Variants in SYTL5 observed in about 807,000 individuals in gnomAD.
SYTL5 encodes the protein synaptotagmin like 5, also known as synaptotagmin-like protein 5.
A neutral mutation model predicts 55.9 loss-of-function variants in SYTL5; 34 were observed. The ratio of observed to expected loss-of-function variants is 0.61; its 90% confidence interval spans 0.46 to 0.81. SYTL5 has a LOEUF of 0.81. SYTL5 is among the 30% of genes least tolerant of loss of function. The probability of loss-of-function intolerance (pLI) is 0.00; values close to 1 mark genes in which losing one functional copy is unlikely to be tolerated. For missense variants in SYTL5, 637 were observed against 546.7 expected, an observed-to-expected ratio of 1.17 and a Z score of -1.65; for synonymous variants, 221 against 188.7, an observed-to-expected ratio of 1.17 and a Z score of -1.40.
chrX:37,967,006 C>T, the SYTL5 span, among the ~76,000 whole-genome samples: 2 of 111,796 alleles, frequency 1.8e-5, no homozygotes, highest in African/African-American at 6.5e-5. Flanking sequence ...TATCTTTCCT[C>T]ACTTTTGAAG....
the SYTL5 span, among the ~76,000 whole-genome samples, chrX:37,898,610 T>C: frequency 8.9e-6 from 1 of 112,489 alleles, no homozygotes; most frequent in Admixed American, 9.5e-5. Context: ...AGTTCTTTAA[T>C]ATAGTCCTTT....
chrX:37,952,623 A>G, the SYTL5 span, among the ~76,000 whole-genome samples: 1 of 111,106 alleles, frequency 9.0e-6, no homozygotes, highest in African/African-American at 3.3e-5. Flanking sequence ...AAGAGGATGG[A>G]CACTAGGAGG....
intron 3 of SYTL5, among the ~76,000 whole-genome samples, chrX:38,061,826 A>G (rs1935951296): frequency 8.9e-6 from 1 of 111,752 alleles, no homozygotes; most frequent in Non-Finnish European, 1.9e-5. Context: ...AAAATTCCAC[A>G]TTGTTATGTT....
the SYTL5 span, among the ~76,000 whole-genome samples, chrX:37,927,961 G>A: frequency 1.7e-4 from 19 of 112,127 alleles, no homozygotes; most frequent in Non-Finnish European, 2.4e-4. Context: ...AATACTTTCA[G>A]AAGTAGTTTC....
At chrX:38,024,379 C>A (rs948435317) in intron 1 of SYTL5, among the ~76,000 whole-genome samples, 8 of 111,162 alleles carry the variant, frequency 7.2e-5, no homozygotes, top group Non-Finnish European at 1.5e-4. Context: ...ATTGTGAGGA[C>A]CCCCACCCCA....
the SYTL5 span, among the ~76,000 whole-genome samples, chrX:38,000,869 G>A: frequency 9.0e-6 from 1 of 111,546 alleles, no homozygotes; most frequent in Non-Finnish European, 1.9e-5. Context: ...CGCCCCAACC[G>A]AACTCCGCAT....
chrX:37,949,599 G>C, the SYTL5 span, among the ~76,000 whole-genome samples: 1 of 111,434 alleles, frequency 9.0e-6, no homozygotes, highest in Admixed American at 9.5e-5. Flanking sequence ...GGTACATTTT[G>C]ATTGTGGTTA....
At chrX:37,981,002 G>A in the SYTL5 span, among the ~76,000 whole-genome samples, 1 of 112,187 alleles carries the variant, frequency 8.9e-6, no homozygotes, top group Non-Finnish European at 1.9e-5. Context: ...AGAATAATGT[G>A]CCATTATCTC....
At chrX:37,939,285 A>G in the SYTL5 span, among the ~76,000 whole-genome samples, 14,912 of 111,005 alleles carry the variant, frequency 0.13, 1,679 homozygotes, top group African/African-American at 0.37. Context: ...AAAAGAAAAA[A>G]AAAGAAAGAT....
chrX:38,111,649 C>T (rs1030127919), intron 13 of SYTL5, among the ~76,000 whole-genome samples: 2 of 112,275 alleles, frequency 1.8e-5, no homozygotes, highest in African/African-American at 3.2e-5. Flanking sequence ...TCCAAGCATG[C>T]CTCTCTAATG....
At chrX:37,944,110 A>C in the SYTL5 span, among the ~76,000 whole-genome samples, 2 of 111,090 alleles carry the variant, frequency 1.8e-5, no homozygotes, top group Admixed American at 9.6e-5. Context: ...GGAACTTCCC[A>C]TGGCCTGACA....
the SYTL5 span, among the ~76,000 whole-genome samples, chrX:37,967,189 C>A: frequency 9.0e-6 from 1 of 111,047 alleles, no homozygotes; most frequent in South Asian, 3.9e-4. Context: ...GTAGCTGGGA[C>A]TACAGGCACC....
the SYTL5 span, among the ~76,000 whole-genome samples, chrX:37,926,792 G>A: frequency 9.0e-6 from 1 of 111,501 alleles, no homozygotes; most frequent in Non-Finnish European, 1.9e-5. Flanking sequence ...TCTGTCAGGG[G>A]TATCCATGAT....
intron 13 of SYTL5, among the ~76,000 whole-genome samples, chrX:38,118,724 A>G (rs1254178420): frequency 9.0e-6 from 1 of 110,955 alleles, no homozygotes; most frequent in Non-Finnish European, 1.9e-5. Flanking sequence ...ATGGTAACCT[A>G]TAGCAAAGAT....
intron 1 of SYTL5, among the ~76,000 whole-genome samples, chrX:38,025,251 A>T (rs1410884903): frequency 3.6e-5 from 4 of 112,376 alleles, no homozygotes; most frequent in Non-Finnish European, 5.6e-5. Context: ...AATTAACTTT[A>T]TTTCTATTAA....
chrX:37,917,368 A>G, the SYTL5 span, among the ~76,000 whole-genome samples: 3 of 111,313 alleles, frequency 2.7e-5, no homozygotes, highest in African/African-American at 9.8e-5. Flanking sequence ...TATTTATTCA[A>G]TAATTTATTT....
chrX:37,993,580 G>A, the SYTL5 span, among the ~76,000 whole-genome samples: 3 of 112,508 alleles, frequency 2.7e-5, no homozygotes, highest in Non-Finnish European at 5.6e-5. Context: ...GAGGAAATTG[G>A]CGGATATTAT....
chrX:37,951,151 G>A, the SYTL5 span, among the ~76,000 whole-genome samples: 30 of 110,488 alleles, frequency 2.7e-4, no homozygotes, highest in African/African-American at 8.8e-4. Context: ...AAGAAGCCCT[G>A]TTCTATTAAA....
chrX:38,110,211 CA>C (rs1309866286), intron 12 of SYTL5, 109 bp from the exon 13 acceptor site: 1 of 476,897 alleles, frequency 2.1e-6, no homozygotes, highest in East Asian at 3.9e-5. Flanking sequence ...TTGTTTTGTT[CA>C]TATTACTGAT....
Sources: gnomAD v4.1 joint callset for allele counts (sites outside exome capture counted in the v4.1 genomes callset) on GRCh38, gnomAD v4.1.1 for gene constraint, MANE v1.5 for transcripts, NCBI Gene and HGNC (gene_info 2026-07-23, HGNC 2026-07-21) for gene names.